Variants in GAB2 observed in about 807,000 individuals in gnomAD.
GAB2 encodes GRB2-associated-binding protein 2.
GAB2 carries 26 observed loss-of-function variants against 65.5 expected under a neutral mutation model. That is an observed-to-expected ratio of 0.40 (90% CI 0.29 to 0.55). The LOEUF is 0.55. Among genes scored for constraint, GAB2 ranks in the 20% least tolerant of loss-of-function variants. The pLI, the probability that GAB2 is intolerant of heterozygous loss-of-function variation, is 0.53. For synonymous variants in GAB2, 321 were observed against 329.6 expected (o/e 0.97, Z 0.28); for missense variants, 884 against 875.8 (o/e 1.01, Z -0.12).
intron 1 of GAB2, among the ~76,000 whole-genome samples, chr11:78,395,386 A>G (rs111469448): frequency 0.028 from 4,190 of 152,288 alleles, 165 homozygotes; most frequent in African/African-American, 0.089. Context: ...CCCAGGGGGC[A>G]GAGGTTGCAG....
intron 1 of GAB2, among the ~76,000 whole-genome samples, chr11:78,296,790 G>A: frequency 6.6e-6 from 1 of 152,270 alleles, no homozygotes; most frequent in Middle Eastern, 3.4e-3. Context: ...AAATACCTCA[G>A]ACTGTTATTT....
rs867243238 is a variant in GAB2, at chr11:78,417,247, C to G, written c.75+399G>C. 3.3e-5 allele frequency among the ~76,000 whole-genome samples: 5 copies of G among 152,020 alleles called. No individual in the cohort carries two copies. The South Asian group carries it at 1.0e-3, about 31-fold the overall frequency. On this transcript the variant is annotated intron_variant, in intron 1 of 9. Coordinates refer to ENST00000361507, the MANE Select transcript of GAB2 (RefSeq NM_080491.3). Reference sequence around the variant, plus strand: ...CGCGCGGCCCCACAGCCTACGCCCCCCTTTCCCGCCCTCTCCCCGACCCTG... The same window carrying G: ...CGCGCGGCCCCACAGCCTACGCCCCGCTTTCCCGCCCTCTCCCCGACCCTG...
intron 1 of GAB2, among the ~76,000 whole-genome samples, chr11:78,409,076 G>C (rs1365098282): frequency 6.6e-6 from 1 of 152,144 alleles, no homozygotes; most frequent in Non-Finnish European, 1.5e-5. Flanking sequence ...TGATGGAAAA[G>C]ATGTATCATG....
At chr11:78,416,353 C>T (rs1363871221) in intron 1 of GAB2, among the ~76,000 whole-genome samples, 2 of 152,206 alleles carry the variant, frequency 1.3e-5, no homozygotes, top group Admixed American at 1.3e-4. Flanking sequence ...GCAACAACAA[C>T]ACTTCCTTTG....
chr11:78,407,655 A>ATGGC (rs1857064841), intron 1 of GAB2, among the ~76,000 whole-genome samples: 1 of 128,424 alleles, frequency 7.8e-6, no homozygotes, highest in South Asian at 2.8e-4. Context: ...GAAAGAAAGA[A>ATGGC]AGTAAGAAAG....
intron 1 of GAB2, among the ~76,000 whole-genome samples, chr11:78,411,449 A>C (rs1857127961): frequency 1.3e-5 from 2 of 152,242 alleles, no homozygotes; most frequent in Non-Finnish European, 2.9e-5. Flanking sequence ...CCAGATTTCA[A>C]GACTTACAAT....
At chr11:78,273,501 A>G (rs889793423) in intron 2 of GAB2, among the ~76,000 whole-genome samples, 1 of 152,210 alleles carries the variant, frequency 6.6e-6, no homozygotes, top group Admixed American at 6.5e-5. Flanking sequence ...AATTTCTCCC[A>G]TTTAGAATGG....
At chr11:78,358,982 A>G (rs1856398236) in intron 1 of GAB2, among the ~76,000 whole-genome samples, 4 of 152,250 alleles carry the variant, frequency 2.6e-5, no homozygotes. Flanking sequence ...TCCATGGTCA[A>G]GTTAAACAGA....
intron 1 of GAB2, among the ~76,000 whole-genome samples, chr11:78,365,535 C>G (rs1356609202): frequency 6.6e-6 from 1 of 152,188 alleles, no homozygotes; most frequent in African/African-American, 2.4e-5. Context: ...GGGCTCCTAT[C>G]CAAAGCCCTA....
intron 1 of GAB2, among the ~76,000 whole-genome samples, chr11:78,285,366 G>A (rs1188308748): frequency 6.6e-6 from 1 of 152,184 alleles, no homozygotes; most frequent in Non-Finnish European, 1.5e-5. Flanking sequence ...GCTGATAAAT[G>A]GCTGCCTACA....
chr11:78,333,394 G>A (rs1429316106), intron 1 of GAB2, among the ~76,000 whole-genome samples: 1 of 152,136 alleles, frequency 6.6e-6, no homozygotes, highest in African/African-American at 2.4e-5. Flanking sequence ...CATCCCGAGA[G>A]CTAGGACTAC....
intron 6 of GAB2, 34 bp downstream of exon 6, chr11:78,223,378 T>C: frequency 6.7e-7 from 1 of 1,485,976 alleles, no homozygotes; most frequent in Non-Finnish European, 9.0e-7. Context: ...CTAGCCACTG[T>C]CCAGAGATGG....
chr11:78,319,927 G>C (rs1855690460), intron 1 of GAB2, among the ~76,000 whole-genome samples: 1 of 151,700 alleles, frequency 6.6e-6, no homozygotes, highest in Non-Finnish European at 1.5e-5. Flanking sequence ...GAGTGCTGGA[G>C]TGCACCGGTG....
At position 78,226,947 on chromosome 11, in the gene GAB2, C is replaced by T. The variant is rs772656797; in HGVS notation, c.725G>A (p.Ser242Asn). The T allele has an allele frequency of 3.1e-6, 5 of 1,613,844 alleles. No individual in the cohort carries two copies. Among genetic ancestry groups the T allele is most frequent in the Non-Finnish European group, 3.4e-6 (4 of 1,179,784 alleles). Residue 242 changes from serine (S) to asparagine (N), a missense_variant, in exon 4 of 10, where the codon AGT (serine) becomes AAT (asparagine). By Grantham distance (46) the Ser-to-Asn change is conservative. Transcript: ENST00000361507. The part of the protein sequence containing the change: ...QGNGHCVNGI[S>N]GQVHGFYSLP... Reference sequence around the variant, plus strand: ...GCTATAGAAGCCATGGACTTGACCACTGATCCCGTTGACACAGTGTCCATT... The same window carrying T: ...GCTATAGAAGCCATGGACTTGACCATTGATCCCGTTGACACAGTGTCCATT...
chr11:78,365,986 T>G (rs1856492319), intron 1 of GAB2, among the ~76,000 whole-genome samples: 1 of 152,180 alleles, frequency 6.6e-6, no homozygotes, highest in African/African-American at 2.4e-5. Context: ...CCAGTTACAG[T>G]TTTCTCTGGG....
At chr11:78,225,223 C>G in intron 4 of GAB2, 21 bp from the exon 5 acceptor site, 1 of 1,488,074 alleles carries the variant, frequency 6.7e-7, no homozygotes, top group Non-Finnish European at 9.4e-7. Context: ...AAGGAGGATT[C>G]ATAAGTACTC....
intron 1 of GAB2, among the ~76,000 whole-genome samples, chr11:78,289,813 C>A (rs1461828132): frequency 8.8e-6 from 1 of 113,972 alleles, no homozygotes; most frequent in Non-Finnish European, 1.7e-5. Context: ...AAGAACAGGA[C>A]CTTTTTTTTT....
At chr11:78,232,592 TGAA>T (rs770757480) in intron 3 of GAB2, among the ~76,000 whole-genome samples, 26 of 152,326 alleles carry the variant, frequency 1.7e-4, no homozygotes, top group South Asian at 1.7e-3. Context: ...TTTTGAGAAA[TGAA>T]GTTATTTTAG....
At chr11:78,401,505 C>CGTGT (rs34474918) in intron 1 of GAB2, among the ~76,000 whole-genome samples, 17,899 of 124,814 alleles carry the variant, frequency 0.14, 1,518 homozygotes, top group East Asian at 0.29. Flanking sequence ...GAACAGTATT[C>CGTGT]GTGTGTGTGT....
Sources: allele counts gnomAD v4.1 joint callset (sites outside exome capture counted in the v4.1 genomes callset), GRCh38; gene constraint gnomAD v4.1.1; transcripts MANE v1.5; gene names NCBI Gene and HGNC (gene_info 2026-07-23, HGNC 2026-07-21).